Variants in ACOX3 observed in about 807,000 individuals in gnomAD.
ACOX3 encodes peroxisomal acyl-coenzyme A oxidase 3.
Under a neutral mutation model 81.5 loss-of-function variants are expected in ACOX3, and 73 were observed. The ratio of observed to expected loss-of-function variants is 0.90; its 90% CI spans 0.74 to 1.09. ACOX3 has a LOEUF of 1.09. ACOX3 is among the 50% of genes least tolerant of loss of function. ACOX3 has a pLI of 0.00. For synonymous variants in ACOX3, 387 were observed against 375.1 expected, an observed-to-expected ratio of 1.03 and a Z score of -0.37; for missense variants, 947 against 928.0, an observed-to-expected ratio of 1.02 and a Z score of -0.27.
rs776295290 is a variant in ACOX3, at chr4:8,384,902, G to A, written c.1538-3295C>T. 1.3e-5 allele frequency among the ~76,000 whole-genome samples: 2 copies of A among 152,138 alleles called. No individual in the cohort carries two copies. Among genetic ancestry groups the A allele is most frequent in the African/African-American group, 2.4e-5 (1 of 41,424 alleles). On this transcript the variant is annotated intron_variant, in intron 13 of 17. Transcript: ENST00000356406. This position sits in a 1 kb window ranked among gnomAD's most constrained non-coding sequence, Gnocchi z 5.3. ...GGTGCTCCCCAAAAGCACAACGCAC[G>A]GACCCTCTGAGACACCCTCAGGTGC... is the stretch of plus-strand genomic sequence containing the variant.
intron 1 of ACOX3, among the ~76,000 whole-genome samples, chr4:8,438,112 G>A (rs531130600): frequency 3.0e-4 from 45 of 152,218 alleles, no homozygotes; most frequent in Non-Finnish European, 4.9e-4. Context: ...GAGGCTATCG[G>A]TACATGCTAG....
chr4:8,384,672 G>C lies in ACOX3; in HGVS notation c.1538-3065C>G, dbSNP rs1171569544. Among the ~76,000 whole-genome samples, 1 of 152,058 alleles carries C rather than the reference G, an allele frequency of 6.6e-6. No homozygotes were observed. Among genetic ancestry groups the C allele is most frequent in the Non-Finnish European group, 1.5e-5 (1 of 68,018 alleles). ...TCCTTGACCCCATGGTGAGCTCTTC[G>C]CATGCACTGCCTGCCTTTCGGGTCT... On this transcript the variant is annotated intron_variant, in intron 13 of 17. Transcript: ENST00000356406. This position sits in a 1 kb window ranked among gnomAD's most constrained non-coding sequence, Gnocchi z 5.3.
the ACOX3 span, chr4:8,355,517 T>C: frequency 6.6e-6 from 1 of 152,238 alleles, no homozygotes; most frequent in Non-Finnish European, 1.5e-5. Context: ...TTTCAGATCC[T>C]TGTCTCATAT....
At chr4:8,393,704 C>A (rs1232237990) in intron 10 of ACOX3, among the ~76,000 whole-genome samples, 1 of 151,952 alleles carries the variant, frequency 6.6e-6, no homozygotes, top group Non-Finnish European at 1.5e-5. Context: ...TTTTCAACTT[C>A]ACATAAGGGG....
At chr4:8,439,070 A>G (rs909510506) in intron 1 of ACOX3, 3 of 152,210 alleles carry the variant, frequency 2.0e-5, no homozygotes, top group African/African-American at 4.8e-5. Flanking sequence ...TCTTAAGACT[A>G]ATAGTTTTCC....
intron 1 of ACOX3, among the ~76,000 whole-genome samples, chr4:8,417,179 T>C (rs1456878224): frequency 6.6e-6 from 1 of 152,238 alleles, no homozygotes; most frequent in African/African-American, 2.4e-5. Flanking sequence ...TGGGTCCTTT[T>C]CCAAGTGGCT....
chr4:8,409,799 G>A (rs1721499254), intron 6 of ACOX3, among the ~76,000 whole-genome samples: 1 of 149,074 alleles, frequency 6.7e-6, no homozygotes, highest in Non-Finnish European at 1.5e-5. Context: ...TACTGTGGGT[G>A]GAGCTGTCTG....
Position 8,424,006 on chromosome 4 carries a change from T to TTC in ACOX3, c.-14-7472_-14-7471insGA, listed in dbSNP as rs200516492. On this transcript the variant is annotated intron_variant, in intron 1 of 17. Transcript: ENST00000356406. Reference sequence around the variant, plus strand: ...AGTGCTCTTAAACTTCATGGCCACCTGTGGCTACAAGGTTTCCAGACCAAA... The same window carrying TTC: ...AGTGCTCTTAAACTTCATGGCCACCTTCGTGGCTACAAGGTTTCCAGACCAAA... 4.8e-4 allele frequency among the ~76,000 whole-genome samples: 73 copies of TTC among 152,348 alleles called. 1 individual carries two copies. Among genetic ancestry groups the TTC allele is most frequent in the East Asian group, 1.7e-3 (9 of 5,182 alleles).
At chr4:8,372,549 A>G (rs1430449840) in intron 16 of ACOX3, among the ~76,000 whole-genome samples, 1 of 152,234 alleles carries the variant, frequency 6.6e-6, no homozygotes, top group Non-Finnish European at 1.5e-5. Flanking sequence ...GGAGCCAAGG[A>G]AAACCCCTCC....
chr4:8,372,499 G>GCCTTTCTTA (rs1716339559), intron 16 of ACOX3, among the ~76,000 whole-genome samples: 1 of 152,162 alleles, frequency 6.6e-6, no homozygotes, highest in East Asian at 1.9e-4. Context: ...GCCTCCATGG[G>GCCTTTCTTA]GTCAACACTG....
downstream of ACOX3, among the ~76,000 whole-genome samples, chr4:8,361,424 T>TC (rs202086298): frequency 3.3e-3 from 44 of 13,198 alleles, 2 homozygotes; most frequent in Admixed American, 6.1e-3. Context: ...AGACTCTATC[T>TC]CAAAAAAAAA....
intron 1 of ACOX3, among the ~76,000 whole-genome samples, chr4:8,424,749 T>G (rs547530882): frequency 6.6e-6 from 1 of 152,332 alleles, no homozygotes; most frequent in African/African-American, 2.4e-5. Context: ...AGATAAAACA[T>G]AACTGTCAAC....
intron 14 of ACOX3, among the ~76,000 whole-genome samples, chr4:8,378,778 T>C (rs1717286599): frequency 6.6e-6 from 1 of 152,254 alleles, no homozygotes; most frequent in Non-Finnish European, 1.5e-5. Context: ...AAATGGTGGA[T>C]AGCAGTTACT....
intron 14 of ACOX3, among the ~76,000 whole-genome samples, chr4:8,380,312 G>A (rs1717477859): frequency 1.3e-5 from 2 of 150,820 alleles, no homozygotes; most frequent in Admixed American, 6.6e-5. Flanking sequence ...GCCTCAGCCT[G>A]CCAAGTAGCT....
At chr4:8,421,004 G>A (rs1467794211) in intron 1 of ACOX3, among the ~76,000 whole-genome samples, 1 of 152,228 alleles carries the variant, frequency 6.6e-6, no homozygotes, top group Non-Finnish European at 1.5e-5. Context: ...CATGGCCCAA[G>A]GTTCCATTCC....
rs531881018 is a variant in ACOX3 at position 8,397,683 on chromosome 4, G to A, written c.874-564C>T. Among the ~76,000 whole-genome samples the A allele has an allele frequency of 2.8e-4, 42 of 152,308 alleles. No individual in the cohort carries two copies. In the East Asian group the frequency reaches 6.0e-3, roughly 22 times the overall value. ...TGTTGCTAAGGCCTGTCCAGGCTGC[G>A]GTGGGCACATCTAATCTACAGCCCT... On this transcript the variant is annotated intron_variant, in intron 8 of 17. Coordinates refer to ENST00000356406, the MANE Select transcript of ACOX3 (RefSeq NM_003501.3).
chr4:8,369,641 C>T (rs1715905348), intron 17 of ACOX3, among the ~76,000 whole-genome samples: 1 of 152,242 alleles, frequency 6.6e-6, no homozygotes, highest in African/African-American at 2.4e-5. Context: ...CCTAGCCCAA[C>T]CCAGGTGTAG....
In ACOX3 at chr4:8,392,460, G is replaced by C. The variant is rs759329757; in HGVS notation, c.1180-7C>G. ...TCTCACGTCCAAGCTCTGCCTTTGG[G>C]TGAGGGAATCCAACAAGAACAGGTG... On this transcript the variant is annotated splice_region_variant and splice_polypyrimidine_tract_variant and intron_variant, in intron 10 of 17. Coordinates refer to ENST00000356406, the MANE Select transcript of ACOX3 (RefSeq NM_003501.3). 1.3e-6 allele frequency: 2 copies of C among 1,560,520 alleles called. No homozygotes were observed. Among genetic ancestry groups the C allele is most frequent in the Non-Finnish European group, 1.7e-6 (2 of 1,157,524 alleles).
At position 8,399,337 on chromosome 4, in the gene ACOX3, G is replaced by A. The variant is rs970844752; in HGVS notation, c.873+219C>T. Among the ~76,000 whole-genome samples, 1 of 152,182 alleles carries A rather than the reference G, an allele frequency of 6.6e-6. No homozygotes were observed. The highest frequency in any genetic ancestry group is 6.5e-5 in the Admixed American group (1 of 15,286). On this transcript the variant is annotated intron_variant, in intron 8 of 17. Transcript: ENST00000356406. This position sits in a 1 kb window ranked among gnomAD's most constrained non-coding sequence, Gnocchi z 4.9. Reference sequence around the variant, plus strand: ...ATGGGGAGTGGGCATTGTAAGGCCCGGACTCACCCCCTGGACACCAGCACC... The same window carrying A: ...ATGGGGAGTGGGCATTGTAAGGCCCAGACTCACCCCCTGGACACCAGCACC...
Sources: gnomAD v4.1 joint callset for allele counts (sites outside exome capture counted in the v4.1 genomes callset) on GRCh38, gnomAD v4.1.1 for gene constraint, Gnocchi (gnomAD v3.1) non-coding constraint, MANE v1.5 for transcripts, NCBI Gene and HGNC (gene_info 2026-07-23, HGNC 2026-07-21) for gene names.